MORC1: variants seen among roughly 807,000 people sequenced by gnomAD.
The protein encoded by MORC1 is MORC family CW-type zinc finger protein 1.
A neutral mutation model predicts 134.9 loss-of-function variants in MORC1; 59 were observed. That is an observed-to-expected ratio of 0.44 (90% CI 0.35 to 0.54). MORC1 has a LOEUF of 0.54. Ranked by LOEUF, MORC1 falls within the 20% of genes least tolerant of loss-of-function variation. The pLI is 0.00. For synonymous variants in MORC1, 395 were observed against 391.7 expected (o/e 1.01, Z -0.10); for missense variants, 947 against 1,134.5 (o/e 0.83, Z 2.37).
chr3:109,021,855 C>T (rs1483704762), intron 17 of MORC1, among the ~76,000 whole-genome samples: 2 of 152,172 alleles, frequency 1.3e-5, no homozygotes, highest in African/African-American at 4.8e-5. Flanking sequence ...CTACTGTGCC[C>T]AGCATTGCAC....
chr3:109,023,172 C>T (rs1948998982), intron 17 of MORC1, among the ~76,000 whole-genome samples: 1 of 152,246 alleles, frequency 6.6e-6, no homozygotes, highest in African/African-American at 2.4e-5. Flanking sequence ...TGGAGAAGGA[C>T]CAGAGGCTGC....
At chr3:109,075,223 A>G (rs1281064028) in intron 8 of MORC1, among the ~76,000 whole-genome samples, 3 of 152,164 alleles carry the variant, frequency 2.0e-5, no homozygotes, top group Non-Finnish European at 1.5e-5. Flanking sequence ...AAAAATGAAG[A>G]CATTTACAGA....
chr3:109,057,303 C>T, intron 13 of MORC1, 40 bp downstream of exon 13: 17 of 1,578,078 alleles, frequency 1.1e-5, no homozygotes, highest in Non-Finnish European at 1.4e-5. Context: ...TGTAACATCC[C>T]TTTCTCTGCT....
intron 3 of MORC1, among the ~76,000 whole-genome samples, chr3:109,109,077 T>C (rs551558471): frequency 6.6e-6 from 1 of 152,292 alleles, no homozygotes; most frequent in African/African-American, 2.4e-5. Flanking sequence ...GAGTGCTTTT[T>C]CACCAGACAT....
chr3:108,963,434 A>G lies in MORC1; in HGVS notation c.2779T>C (p.Leu927=). The change falls in exon 27 of 28, where the codon TTG becomes CTG. Residue 927 remains leucine (L), a synonymous_variant. Coordinates refer to ENST00000232603, the MANE Select transcript of MORC1 (RefSeq NM_014429.4). ...CTCACCAGTTGGAGTTTCTGCAACAATAGTGCCAGTTTTATACGAAGATTC... is the reference window on the plus strand; with the variant it reads ...CTCACCAGTTGGAGTTTCTGCAACAGTAGTGCCAGTTTTATACGAAGATTC... ...LKNLRIKLAL[L]LQKLQLGGPE... is the part of the protein sequence containing the mutation. The G allele has an allele frequency of 6.2e-7, 1 of 1,611,430 alleles. No homozygotes were observed. Among genetic ancestry groups the G allele is most frequent in the Non-Finnish European group, 8.5e-7 (1 of 1,179,476 alleles).
chr3:109,065,333 T>C (rs889557042), intron 9 of MORC1, among the ~76,000 whole-genome samples: 4 of 152,156 alleles, frequency 2.6e-5, no homozygotes, highest in East Asian at 1.9e-4. Flanking sequence ...TTCTGTGTTC[T>C]AGCTAGACTA....
At chr3:108,960,167 T>C (rs1947043390) in intron 27 of MORC1, among the ~76,000 whole-genome samples, 2 of 152,226 alleles carry the variant, frequency 1.3e-5, no homozygotes, top group Admixed American at 6.5e-5. Context: ...AAAAAGTTAA[T>C]CTTGTTCATG....
At chr3:108,970,548 G>A (rs1331734114) in intron 25 of MORC1, among the ~76,000 whole-genome samples, 1 of 152,160 alleles carries the variant, frequency 6.6e-6, no homozygotes, top group Non-Finnish European at 1.5e-5. Flanking sequence ...TAGAAAATTA[G>A]GGATTGTGCC....
chr3:109,085,538 G>A (rs1950600451), intron 8 of MORC1, among the ~76,000 whole-genome samples: 1 of 152,092 alleles, frequency 6.6e-6, no homozygotes, highest in Non-Finnish European at 1.5e-5. Flanking sequence ...TCACAGAAAT[G>A]TAAACCAAAA....
chr3:109,093,183 T>C (rs903219853), intron 8 of MORC1, among the ~76,000 whole-genome samples: 3 of 152,182 alleles, frequency 2.0e-5, no homozygotes, highest in African/African-American at 2.4e-5. Flanking sequence ...TTCCTAGGCT[T>C]GGTATCTGGA....
At chr3:109,061,413 C>T (rs1950080358) in intron 11 of MORC1, among the ~76,000 whole-genome samples, 1 of 152,080 alleles carries the variant, frequency 6.6e-6, no homozygotes, top group Admixed American at 6.5e-5. Flanking sequence ...TTATCTTACT[C>T]ATGGGCATAT....
chr3:109,032,690 T>C (rs1949267906), intron 16 of MORC1, 30 bp downstream of exon 16: 2 of 1,416,168 alleles, frequency 1.4e-6, no homozygotes, highest in Non-Finnish European at 2.0e-6. Context: ...TAAAAATGAA[T>C]AAAGAATTTT....
At chr3:108,981,011 A>T (rs916752025) in intron 23 of MORC1, among the ~76,000 whole-genome samples, 1 of 152,168 alleles carries the variant, frequency 6.6e-6, no homozygotes, top group Non-Finnish European at 1.5e-5. Context: ...TGCAGGTTTT[A>T]AAAAGATACA....
At chr3:109,086,422 G>A (rs1950618257) in intron 8 of MORC1, among the ~76,000 whole-genome samples, 1 of 151,948 alleles carries the variant, frequency 6.6e-6, no homozygotes, top group African/African-American at 2.4e-5. Context: ...AGGAGGAAGT[G>A]TGTATAATTA....
chr3:109,074,116 A>G (rs1312187092), intron 8 of MORC1, among the ~76,000 whole-genome samples: 2 of 152,164 alleles, frequency 1.3e-5, no homozygotes, highest in Non-Finnish European at 2.9e-5. Flanking sequence ...CGTGGCACCT[A>G]ATTTTAAAAC....
At chr3:109,107,580 A>G (rs1951066354) in intron 3 of MORC1, among the ~76,000 whole-genome samples, 1 of 152,234 alleles carries the variant, frequency 6.6e-6, no homozygotes. Flanking sequence ...ATTTCATTTG[A>G]ATTTTATAGC....
chr3:109,053,631 G>A (rs1023587911), intron 14 of MORC1, among the ~76,000 whole-genome samples: 1 of 152,154 alleles, frequency 6.6e-6, no homozygotes. Context: ...TAAAAGAGGA[G>A]AGGAAGGGAG....
intron 17 of MORC1, among the ~76,000 whole-genome samples, chr3:109,025,050 A>T (rs1013433105): frequency 6.6e-6 from 1 of 152,204 alleles, no homozygotes; most frequent in Non-Finnish European, 1.5e-5. Context: ...TGAAAGGAGG[A>T]ATCAAGGTCA....
chr3:108,970,736 T>C (rs1215746198), intron 25 of MORC1, among the ~76,000 whole-genome samples: 1 of 152,212 alleles, frequency 6.6e-6, no homozygotes, highest in Non-Finnish European at 1.5e-5. Context: ...TTGTCAGGCA[T>C]GTGCACCTCA....
Sources: allele counts gnomAD v4.1 joint callset (sites outside exome capture counted in the v4.1 genomes callset), GRCh38; gene constraint gnomAD v4.1.1; transcripts MANE v1.5; gene names NCBI Gene and HGNC (gene_info 2026-07-23, HGNC 2026-07-21).